The following SPOCK2 variants were observed in gnomAD, a reference collection of about 807,000 sequenced individuals.
SPOCK2 encodes the protein SPARC (osteonectin), cwcv and kazal like domains proteoglycan 2.
Under a neutral mutation model 60.1 loss-of-function variants are expected in SPOCK2, and 39 were observed. The observed-to-expected ratio is 0.65, with a 90% CI of 0.50 to 0.85. The LOEUF is 0.85. Ranked by LOEUF, SPOCK2 falls within the 40% of genes least tolerant of loss-of-function variation. The pLI is 0.00. For missense variants in SPOCK2, 523 were observed against 567.4 expected, an observed-to-expected ratio of 0.92 and a Z score of 0.80; for synonymous variants, 217 against 231.5, an observed-to-expected ratio of 0.94 and a Z score of 0.57.
chr10:72,081,275 G>A (rs1004560685), intron 1 of SPOCK2, among the ~76,000 whole-genome samples: 3 of 152,212 alleles, frequency 2.0e-5, no homozygotes, highest in African/African-American at 7.2e-5. Flanking sequence ...GGAGATGAGC[G>A]GAATAGGAGC....
upstream of SPOCK2, chr10:72,088,974 G>A (rs1482339331): frequency 6.6e-6 from 1 of 152,296 alleles, no homozygotes; most frequent in Non-Finnish European, 1.5e-5. Flanking sequence ...CTGGCTTCCT[G>A]CGAGTTATGG....
chr10:72,072,799 C>A (rs1243620770), intron 2 of SPOCK2, 103 bp downstream of exon 2: 2 of 1,511,872 alleles, frequency 1.3e-6, no homozygotes, highest in Non-Finnish European at 1.8e-6. Flanking sequence ...ACACTGGAGG[C>A]TGGCAGGGAA....
chr10:72,086,698 A>C lies in SPOCK2; in HGVS notation c.189+1442T>G, dbSNP rs1008381216. 8 of 1,341,390 alleles carry C rather than the reference A, an allele frequency of 6.0e-6. No homozygotes were observed. In the African/African-American group the frequency reaches 1.0e-4, roughly 17 times the overall value. 83.1% of individuals were successfully genotyped at this position (1,341,390 alleles called of 1,614,324 possible). On this transcript the variant is annotated intron_variant, in intron 1 of 10. Transcript: ENST00000373109. ...CGCATGTGGGGCGAAGGCGGAGATC[A>C]GCAGCCCATCGCGGGGCCCGGCCAC... is the stretch of plus-strand genomic sequence containing the variant.
chr10:72,073,341 C>T (rs1840674692), intron 1 of SPOCK2, among the ~76,000 whole-genome samples: 1 of 152,234 alleles, frequency 6.6e-6, no homozygotes, highest in African/African-American at 2.4e-5. Context: ...TTGTCAGTCC[C>T]CACTCCTGAC....
At chr10:72,086,921 C>T (rs778598446) in intron 1 of SPOCK2, 3 of 1,551,440 alleles carry the variant, frequency 1.9e-6, no homozygotes, top group African/African-American at 2.7e-5. Context: ...TGTGGATGCA[C>T]GCAGTTTAAG....
intron 5 of SPOCK2, among the ~76,000 whole-genome samples, chr10:72,069,772 T>C (rs936594107): frequency 2.6e-5 from 4 of 152,198 alleles, no homozygotes; most frequent in African/African-American, 7.2e-5. Flanking sequence ...ATTTTTTAAA[T>C]GCTTTCTCAA....
Position 72,088,256 on chromosome 10 carries a change from C to T in SPOCK2, c.73G>A (p.Asp25Asn), listed in dbSNP as rs770205711. Residue 25 changes from aspartate (D) to asparagine (N), a missense_variant, in exon 1 of 11, where the codon GAC (aspartate) becomes AAC (asparagine). Physicochemically the swap from Asp to Asn is conservative, Grantham distance 23. Transcript: ENST00000373109. ...TCGCCCTCCTTGAGCCCCTTGGCGT[C>T]GCCTTCGGCCAGGGCTGCCGCGGCC... ...LLAAAALAEG[D>N]AKGLKEGETP... The T allele has an allele frequency of 5.0e-6, 8 of 1,609,382 alleles. No individual in the cohort carries two copies. The Admixed American group carries it at 6.7e-5, about 13-fold the overall frequency.
At chr10:72,066,530 G>T (rs1275276414) in intron 8 of SPOCK2, among the ~76,000 whole-genome samples, 1 of 149,572 alleles carries the variant, frequency 6.7e-6, no homozygotes, top group African/African-American at 2.5e-5. Context: ...TCACAGAGAG[G>T]AGGTCTCCCT....
intron 9 of SPOCK2, among the ~76,000 whole-genome samples, 160 bp downstream of exon 9, chr10:72,064,018 T>C (rs541242033): frequency 6.6e-6 from 1 of 152,268 alleles, no homozygotes; most frequent in South Asian, 2.1e-4. Flanking sequence ...ACCACAAGGA[T>C]AGACACAGGA....
At position 72,068,146 on chromosome 10, in the gene SPOCK2, C is replaced by A. The variant is rs774823876; in HGVS notation, c.589+41G>T. Reference sequence around the variant, plus strand: ...AGCCCTGAAGGAGGTGCCAGGTGGCCCTTCAGCACCCCTAGCCTGGTGGCC... The same window carrying A: ...AGCCCTGAAGGAGGTGCCAGGTGGCACTTCAGCACCCCTAGCCTGGTGGCC... On this transcript the variant is annotated intron_variant, in intron 6 of 10. Coordinates refer to ENST00000373109, the MANE Select transcript of SPOCK2 (RefSeq NM_001244950.2). 33 of 1,576,458 alleles carry A rather than the reference C, an allele frequency of 2.1e-5. No homozygotes were observed. The South Asian group carries it at 3.2e-4, about 15-fold the overall frequency.
At chr10:72,070,619 T>A (rs1442048883) in intron 4 of SPOCK2, among the ~76,000 whole-genome samples, 193 bp from the exon 5 acceptor site, 1 of 136,288 alleles carries the variant, frequency 7.3e-6, no homozygotes, top group Non-Finnish European at 1.6e-5. Context: ...TGGAACCAAC[T>A]GAGCAGGGCA....
rs185624209 is a variant in SPOCK2, at chr10:72,088,463, A to G, written c.-135T>C. On this transcript the variant is annotated 5_prime_UTR_variant, in exon 1 of 11. Coordinates refer to ENST00000373109, the MANE Select transcript of SPOCK2 (RefSeq NM_001244950.2). The stretch of plus-strand genomic sequence containing the variant: ...GCGGTCTGCCTCCGGTGACTGGCGG[A>G]GAGTGGGTCGCGGCTGAAATGTGAC... 2 of 1,074,508 alleles carry G rather than the reference A, an allele frequency of 1.9e-6. No homozygotes were observed. The highest frequency in any genetic ancestry group is 3.2e-5 in the African/African-American group (2 of 62,028). The allele number at this position is 1,074,508 out of a possible 1,614,324, so 66.6% of individuals were successfully genotyped here.
intron 1 of SPOCK2, chr10:72,086,099 C>T (rs1378344961): frequency 2.5e-6 from 2 of 800,866 alleles, no homozygotes; most frequent in Admixed American, 6.2e-5. Context: ...ACCCTGTCCT[C>T]CTGCAGCCAG....
chr10:72,069,490 G>A (rs866795423), intron 5 of SPOCK2, among the ~76,000 whole-genome samples: 1 of 141,590 alleles, frequency 7.1e-6, no homozygotes, highest in African/African-American at 2.6e-5. Context: ...TTTTTTTGGA[G>A]ACAAGGTCTC....
At chr10:72,065,202 A>AT (rs370759918) in intron 8 of SPOCK2, among the ~76,000 whole-genome samples, 5 of 70,144 alleles carry the variant, frequency 7.1e-5, no homozygotes, top group East Asian at 2.6e-4. Context: ...TGCCTGGCTA[A>AT]TTTTTGTATT....
At chr10:72,066,878 G>T (rs761697259) in intron 8 of SPOCK2, 24 bp downstream of exon 8, 21 of 1,613,196 alleles carry the variant, frequency 1.3e-5, no homozygotes, top group Non-Finnish European at 1.7e-5. Context: ...TGAGGCAGGG[G>T]CCTGGGAGGG....
chr10:72,064,065 C>T lies in SPOCK2; in HGVS notation c.991+113G>A, dbSNP rs1840533001. The T allele has an allele frequency of 2.2e-5, 30 of 1,376,176 alleles. No individual in the cohort carries two copies. In the South Asian group the frequency reaches 2.3e-4, roughly 11 times the overall value. The allele number at this position is 1,376,176 out of a possible 1,614,324, so 85.2% of individuals were successfully genotyped here. A position where few individuals can be genotyped will look rare whatever the true frequency, so the allele number is the denominator to read the frequency against. Reference sequence around the variant, plus strand: ...CTCTTCTGTCTTCCTAGGCCAGGGCCTCCTCTGGGCTCCATGTCTGCCATG... The same window carrying T: ...CTCTTCTGTCTTCCTAGGCCAGGGCTTCCTCTGGGCTCCATGTCTGCCATG... On this transcript the variant is annotated intron_variant, in intron 9 of 10. Transcript: ENST00000373109.
At position 72,061,219 on chromosome 10, in the gene SPOCK2, C is replaced by T. The variant is rs1404074928; in HGVS notation, c.*1541G>A. 5 of 152,406 alleles carry T rather than the reference C, an allele frequency of 3.3e-5. No individual in the cohort carries two copies. The highest frequency in any genetic ancestry group is 4.4e-5 in the Non-Finnish European group (3 of 68,166). 9.4% of individuals were successfully genotyped at this position (152,406 alleles called of 1,614,324 possible). A position where few individuals can be genotyped will look rare whatever the true frequency, so the allele number is the denominator to read the frequency against. ...AAAAGAAATGCACAGGGCCTCTTCT[C>T]ATCTGGTGAGATGAGCTCACACTGC... is the stretch of plus-strand genomic sequence containing the variant. On this transcript the variant is annotated 3_prime_UTR_variant, in exon 11 of 11. Transcript: ENST00000373109.
intron 1 of SPOCK2, among the ~76,000 whole-genome samples, chr10:72,085,151 T>C (rs1840838161): frequency 6.6e-6 from 1 of 152,114 alleles, no homozygotes; most frequent in Admixed American, 6.5e-5. Context: ...TCCACCCAGT[T>C]GTGCAGGGAG....
Sources: allele counts gnomAD v4.1 joint callset (sites outside exome capture counted in the v4.1 genomes callset), GRCh38; gene constraint gnomAD v4.1.1; transcripts MANE v1.5; gene names NCBI Gene and HGNC (gene_info 2026-07-23, HGNC 2026-07-21).